HDLBP: variants seen among roughly 807,000 people sequenced by gnomAD.
HDLBP encodes the protein vigilin.
In HDLBP, 30 loss-of-function variants were observed where a neutral mutation model predicts 137.3. The ratio of observed to expected loss-of-function variants is 0.22; its 90% CI spans 0.16 to 0.30. HDLBP has a LOEUF of 0.30. Among genes scored for constraint, HDLBP ranks in the 10% least tolerant of loss-of-function variants. HDLBP has a pLI of 1.00. For synonymous variants in HDLBP, 606 were observed against 596.0 expected, an observed-to-expected ratio of 1.02 and a Z score of -0.24; for missense variants, 1,119 against 1,667.3, an observed-to-expected ratio of 0.67 and a Z score of 5.73.
In HDLBP at chr2:241,239,246, GGGA is replaced by G. The variant is rs1201756358; in HGVS notation, c.2610+353_2610+355del. 6.6e-6 allele frequency among the ~76,000 whole-genome samples: 1 copy of G among 152,162 alleles called. No individual in the cohort carries two copies. The highest frequency in any genetic ancestry group is 1.5e-5 in the Non-Finnish European group (1 of 68,028). On this transcript the variant is annotated intron_variant, in intron 19 of 27. Transcript: ENST00000310931. This position sits in a 1 kb window ranked among gnomAD's most constrained non-coding sequence, Gnocchi z 4.6. ...AATCGATTTTCTTTCCTTCACAGAG[GGGA>G]GAAGAGAGCTGACCCCTTAGACTGC...
chr2:241,279,952 A>G (rs1233350302), intron 1 of HDLBP: 3 of 985,296 alleles, frequency 3.0e-6, no homozygotes, highest in Non-Finnish European at 3.6e-6. Context: ...CCTGACAGGA[A>G]CCCGCTGCAG....
chr2:241,229,809 G>A, intron 27 of HDLBP, 24 bp downstream of exon 27: 3 of 563,696 alleles, frequency 5.3e-6, no homozygotes, highest in South Asian at 3.0e-5. Flanking sequence ...CTGGGACCCA[G>A]GAGGGCAGAA....
intron 21 of HDLBP, 45 bp from the exon 22 acceptor site, chr2:241,235,639 G>C: frequency 7.2e-7 from 1 of 1,381,248 alleles, no homozygotes; most frequent in Non-Finnish European, 1.0e-6. Context: ...GCTGAGAGCA[G>C]AGTGACGTTG....
intron 1 of HDLBP, among the ~76,000 whole-genome samples, chr2:241,313,803 A>G (rs1309546893): frequency 6.6e-6 from 1 of 152,196 alleles, no homozygotes; most frequent in Non-Finnish European, 1.5e-5. Context: ...TGGAGAGGAC[A>G]CTGTAACAGG....
At chr2:241,237,382 C>G (rs1156802429) in intron 20 of HDLBP, among the ~76,000 whole-genome samples, 8 of 152,142 alleles carry the variant, frequency 5.3e-5, no homozygotes, top group Non-Finnish European at 2.9e-5. Context: ...TGGGACACCG[C>G]GTGTGTACCA....
At chr2:241,255,897 T>A (rs1264998437) in intron 7 of HDLBP, among the ~76,000 whole-genome samples, 2 of 152,220 alleles carry the variant, frequency 1.3e-5, no homozygotes, top group African/African-American at 2.4e-5. Context: ...CAGCTTAATC[T>A]AAGACGTGAA....
In HDLBP at chr2:241,272,929, C is replaced by A; in HGVS notation, c.-102-4388G>T. ...CCCGCCCCGCCGCTGGGGTCCCCGC[C>A]GCCCCGGGCCGCCCAGCACCCGGGA... On this transcript the variant is annotated intron_variant, in intron 1 of 27. Transcript: ENST00000310931. The surrounding 1 kb of genome is among the most constrained non-coding windows in gnomAD (Gnocchi z 5.6). The A allele has an allele frequency of 1.3e-6, 1 of 793,242 alleles. No individual in the cohort carries two copies. The allele number at this position is 793,242 out of a possible 1,614,324, so 49.1% of individuals were successfully genotyped here.
chr2:241,258,014 G>T (rs922317687), intron 5 of HDLBP, among the ~76,000 whole-genome samples: 1 of 152,184 alleles, frequency 6.6e-6, no homozygotes, highest in Non-Finnish European at 1.5e-5. Context: ...AGCACTCCGG[G>T]AAGCCGAGAT....
At chr2:241,244,703 T>C (rs1398387971) in intron 16 of HDLBP, among the ~76,000 whole-genome samples, 1 of 152,280 alleles carries the variant, frequency 6.6e-6, no homozygotes, top group East Asian at 1.9e-4. Context: ...AGAAGGAAAA[T>C]GAAGACAAGG....
In HDLBP at chr2:241,275,325, C is replaced by T. The variant is rs1265073550; in HGVS notation, c.-102-6784G>A. Among the ~76,000 whole-genome samples the T allele has an allele frequency of 3.3e-5, 5 of 151,824 alleles. No homozygotes were observed. The East Asian group carries it at 5.8e-4, about 18-fold the overall frequency. On this transcript the variant is annotated intron_variant, in intron 1 of 27. Coordinates refer to ENST00000310931, the MANE Select transcript of HDLBP (RefSeq NM_005336.6). ...GAAGTAGGATTAGACTCAAGAACTT[C>T]GGGAGACAGAACTAAGATTGAGACA...
chr2:241,249,958 G>A lies in HDLBP; in HGVS notation c.1395C>T (p.Tyr465=). 1 of 1,607,762 alleles carries A rather than the reference G, an allele frequency of 6.2e-7. No homozygotes were observed. ...CAGGAGGGATGCGCACGGACACCTT[G>A]TACTGGTCTTTGATTCTGTTTACTT... ...GANINRIKDQ[Y]KVSVRIPPDS... Residue 465 remains tyrosine, a synonymous_variant, in exon 12 of 28, where the codon TAC becomes TAT. Coordinates refer to ENST00000310931, the MANE Select transcript of HDLBP (RefSeq NM_005336.6).
chr2:241,241,762 C>A (rs1292643925), intron 17 of HDLBP, among the ~76,000 whole-genome samples: 2 of 151,950 alleles, frequency 1.3e-5, no homozygotes, highest in Non-Finnish European at 2.9e-5. Context: ...GTAGTTAGAT[C>A]TGTTAAGTCG....
At chr2:241,315,207 G>T (rs538635715) in intron 1 of HDLBP, 2 of 152,280 alleles carry the variant, frequency 1.3e-5, no homozygotes, top group East Asian at 3.9e-4. Context: ...CGTCCCCGGG[G>T]AGGGACGCCC....
At chr2:241,232,275 CTT>C (rs146304027) in intron 24 of HDLBP, among the ~76,000 whole-genome samples, 18 of 143,382 alleles carry the variant, frequency 1.3e-4, no homozygotes, top group Admixed American at 1.4e-4. Flanking sequence ...TAAACAATGA[CTT>C]TTTTTTTTTT....
chr2:241,255,341 A>G lies in HDLBP; in HGVS notation c.1080+33T>C, dbSNP rs777208713. ...ATGAAGGCCCCGCGGACTCCACTCA[A>G]AGGAGACACACTTCATGCTCGGAGG... On this transcript the variant is annotated intron_variant, in intron 8 of 27. Transcript: ENST00000310931. 6.9e-6 allele frequency: 11 copies of G among 1,590,844 alleles called. 1 individual carries two copies. The South Asian group carries it at 8.8e-5, about 13-fold the overall frequency.
intron 1 of HDLBP, chr2:241,314,958 G>C (rs1016369404): frequency 6.6e-6 from 1 of 152,148 alleles, no homozygotes; most frequent in East Asian, 1.9e-4. Flanking sequence ...CGGGAGGGAG[G>C]AAAGGACACC....
Position 241,272,160 on chromosome 2 carries a change from A to T in HDLBP, c.-102-3619T>A. The stretch of plus-strand genomic sequence containing the variant: ...AGAAGAGCAGCTTTCCCCACCCCCG[A>T]ACACGTAGACTGACGCGGGCCCCGC... On this transcript the variant is annotated intron_variant, in intron 1 of 27. Coordinates refer to ENST00000310931, the MANE Select transcript of HDLBP (RefSeq NM_005336.6). This position sits in a 1 kb window ranked among gnomAD's most constrained non-coding sequence, Gnocchi z 5.6. 1 of 984,902 alleles carries T rather than the reference A, an allele frequency of 1.0e-6. No individual in the cohort carries two copies. The highest frequency in any genetic ancestry group is 1.2e-6 in the Non-Finnish European group (1 of 829,540). 61.0% of individuals were successfully genotyped at this position (984,902 alleles called of 1,614,324 possible). A position where few individuals can be genotyped will look rare whatever the true frequency, so the allele number is the denominator to read the frequency against.
At chr2:241,273,098 AG>A in intron 1 of HDLBP, 1 of 985,572 alleles carries the variant, frequency 1.0e-6, no homozygotes, top group Non-Finnish European at 1.2e-6. Context: ...AAGACCAGAA[AG>A]GGAGCAGGAA....
intron 1 of HDLBP, among the ~76,000 whole-genome samples, chr2:241,286,408 T>C (rs950445244): frequency 3.3e-5 from 5 of 152,258 alleles, no homozygotes; most frequent in African/African-American, 1.2e-4. Flanking sequence ...TAAATGCGTA[T>C]CTGACTGCCT....
Sources: allele counts gnomAD v4.1 joint callset (sites outside exome capture counted in the v4.1 genomes callset), GRCh38; gene constraint gnomAD v4.1.1; non-coding constraint Gnocchi (gnomAD v3.1); transcripts MANE v1.5; gene names NCBI Gene and HGNC (gene_info 2026-07-23, HGNC 2026-07-21).